The following PDE3A variants were observed in gnomAD, a reference collection of about 807,000 sequenced individuals.
PDE3A encodes cGMP-inhibited 3',5'-cyclic phosphodiesterase 3A.
A neutral mutation model predicts 98.3 loss-of-function variants in PDE3A; 43 were observed. That is an observed-to-expected ratio of 0.44 (90% confidence interval 0.34 to 0.56). The LOEUF is 0.56. Among genes scored for constraint, PDE3A ranks in the 20% least tolerant of loss-of-function variants. The pLI, the probability that PDE3A is intolerant of heterozygous loss-of-function variation, is 0.01. For synonymous variants in PDE3A, 663 were observed against 567.9 expected (o/e 1.17, Z -2.38); for missense variants, 1,427 against 1,440.7 (o/e 0.99, Z 0.15).
Position 20,646,908 on chromosome 12 carries a change from A to G in PDE3A, c.2523A>G (p.Pro841=). Residue 841 remains proline (P), a synonymous_variant, in exon 12 of 16, where the codon CCA becomes CCG. Coordinates refer to ENST00000359062, the MANE Select transcript of PDE3A (RefSeq NM_000921.5). The part of the protein sequence containing the change: ...VAAAMHDYDH[P]GRTNAFLVAT... ...CAGCCATGCACGATTATGATCATCCAGGAAGGACTAATGCTTTCCTGGTTG... is the reference window on the plus strand; with the variant it reads ...CAGCCATGCACGATTATGATCATCCGGGAAGGACTAATGCTTTCCTGGTTG... 6.2e-7 allele frequency: 1 copy of G among 1,614,088 alleles called. No individual in the cohort carries two copies. The highest frequency in any genetic ancestry group is 8.5e-7 in the Non-Finnish European group (1 of 1,179,952).
In PDE3A at chr12:20,635,041, G is replaced by A. The variant is rs1944468429; in HGVS notation, c.1986G>A (p.Glu662=). The change falls in exon 8 of 16, where the codon GAG becomes GAA. Residue 662 remains glutamate, a synonymous_variant. Transcript: ENST00000359062. ...KASACSTYAP[E]TMMFLDKPIL... ...CGGCTTGCAGCACCTATGCTCCTGA[G>A]ACCATGATGTTTCTGGTAGTCCCAT... The A allele has an allele frequency of 6.2e-7, 1 of 1,612,256 alleles. No homozygotes were observed.
chr12:20,666,501 A>G (rs1945316522), intron 15 of PDE3A, among the ~76,000 whole-genome samples: 1 of 151,674 alleles, frequency 6.6e-6, no homozygotes, highest in Non-Finnish European at 1.5e-5. Context: ...CAACTTTTCT[A>G]GCTCCCACAT....
intron 7 of PDE3A, 75 bp from the exon 8 acceptor site, chr12:20,634,827 T>A (rs570178772): frequency 2.9e-6 from 3 of 1,019,534 alleles, no homozygotes; most frequent in South Asian, 1.3e-5. Flanking sequence ...CATATGCATC[T>A]TAGCAAAATT....
At chr12:20,450,501 A>T (rs1449882918) in intron 1 of PDE3A, among the ~76,000 whole-genome samples, 1 of 152,262 alleles carries the variant, frequency 6.6e-6, no homozygotes, top group African/African-American at 2.4e-5. Context: ...TTTAAAATAG[A>T]AAACTCCTTC....
At chr12:20,399,578 C>A (rs1385194896) in intron 1 of PDE3A, among the ~76,000 whole-genome samples, 1 of 152,102 alleles carries the variant, frequency 6.6e-6, no homozygotes, top group Non-Finnish European at 1.5e-5. Flanking sequence ...AGGATTCAGA[C>A]TATTAAAAAG....
chr12:20,421,024 T>C (rs971652338), intron 1 of PDE3A, among the ~76,000 whole-genome samples: 4 of 152,058 alleles, frequency 2.6e-5, no homozygotes, highest in Non-Finnish European at 4.4e-5. Flanking sequence ...TCATTAGAGG[T>C]ATTTAAGAGC....
intron 1 of PDE3A, among the ~76,000 whole-genome samples, chr12:20,410,482 A>G (rs996883053): frequency 1.3e-5 from 2 of 152,134 alleles, no homozygotes; most frequent in African/African-American, 4.8e-5. Flanking sequence ...GACTTTCATG[A>G]TTCTTACTCT....
At chr12:20,676,579 A>G (rs1945647162) in intron 15 of PDE3A, among the ~76,000 whole-genome samples, 1 of 145,294 alleles carries the variant, frequency 6.9e-6, no homozygotes, top group Non-Finnish European at 1.5e-5. Flanking sequence ...AGCTCACTGC[A>G]AGCTCCGCCT....
chr12:20,501,456 A>AT (rs1488823672), intron 1 of PDE3A, among the ~76,000 whole-genome samples: 2 of 152,210 alleles, frequency 1.3e-5, no homozygotes, highest in African/African-American at 4.8e-5. Context: ...AACTGGTTAT[A>AT]TGCAATATTA....
At position 20,512,318 on chromosome 12, in the gene PDE3A, C is replaced by T. The variant is rs528943538; in HGVS notation, c.961-44342C>T. Among the ~76,000 whole-genome samples the T allele has an allele frequency of 8.5e-5, 13 of 152,072 alleles. No individual in the cohort carries two copies. In the East Asian group the frequency reaches 2.3e-3, roughly 27 times the overall value. On this transcript the variant is annotated intron_variant, in intron 1 of 15. Transcript: ENST00000359062. Reference sequence around the variant, plus strand: ...TCAAAAGTCTTCTGTAAAAAGCCATCCTAAAATAGGAATTTTGTTTAAAAA... The same window carrying T: ...TCAAAAGTCTTCTGTAAAAAGCCATTCTAAAATAGGAATTTTGTTTAAAAA...
rs1027404458 is a variant in PDE3A at position 20,525,469 on chromosome 12, G to GC, written c.961-31191_961-31190insC. 1.8e-4 allele frequency among the ~76,000 whole-genome samples: 21 copies of GC among 118,350 alleles called. 1 individual carries two copies. Among genetic ancestry groups the GC allele is most frequent in the African/African-American group, 7.2e-4 (20 of 27,690 alleles). The allele number at this position is 118,350 out of a possible 152,430, so 77.6% of individuals were successfully genotyped here. A position where few individuals can be genotyped will look rare whatever the true frequency, so the allele number is the denominator to read the frequency against. On this transcript the variant is annotated intron_variant, in intron 1 of 15. Transcript: ENST00000359062. The stretch of plus-strand genomic sequence containing the variant: ...ACATGGAAACATTCTGATTTGGTTG[G>GC]GGGGGGGGGCTTTTGACATCATCTG...
At chr12:20,490,125 T>C (rs897550967) in intron 1 of PDE3A, among the ~76,000 whole-genome samples, 1 of 152,144 alleles carries the variant, frequency 6.6e-6, no homozygotes, top group African/African-American at 2.4e-5. Flanking sequence ...GGTGAAAGAT[T>C]GAAAGAATTG....
At chr12:20,475,453 T>C (rs1945515005) in intron 1 of PDE3A, among the ~76,000 whole-genome samples, 1 of 152,074 alleles carries the variant, frequency 6.6e-6, no homozygotes, top group Non-Finnish European at 1.5e-5. Context: ...GGGGTGGGCA[T>C]GGTGGTGACT....
intron 1 of PDE3A, among the ~76,000 whole-genome samples, chr12:20,457,867 G>T (rs946645163): frequency 1.1e-4 from 17 of 152,090 alleles, no homozygotes; most frequent in African/African-American, 4.1e-4. Flanking sequence ...ATTTAGAAAG[G>T]TTATTTCCCT....
chr12:20,614,541 T>C (rs907720610), intron 3 of PDE3A, among the ~76,000 whole-genome samples: 3 of 152,176 alleles, frequency 2.0e-5, no homozygotes, highest in African/African-American at 7.2e-5. Flanking sequence ...ATAACATATT[T>C]ACATAGTTTC....
intron 14 of PDE3A, 30 bp downstream of exon 14, chr12:20,650,630 T>G: frequency 6.9e-7 from 1 of 1,459,752 alleles, no homozygotes; most frequent in Non-Finnish European, 9.5e-7. Context: ...TACAGCTTAA[T>G]CTGTACTTAC....
rs555770098 is a variant in PDE3A at position 20,552,751 on chromosome 12, G to A, written c.961-3909G>A. The A allele has an allele frequency of 1.9e-6, 3 of 1,614,046 alleles. No homozygotes were observed. The highest frequency in any genetic ancestry group is 1.6e-4 in the Middle Eastern group (1 of 6,062). ...GTCACTCAAGGACCGGCCGGCGAGC[G>A]GCAGCCCGTTCCAGTTGTTCCTGAG... On this transcript the variant is annotated intron_variant, in intron 1 of 15. Coordinates refer to ENST00000359062, the MANE Select transcript of PDE3A (RefSeq NM_000921.5). The surrounding 1 kb of genome is among the most constrained non-coding windows in gnomAD (Gnocchi z 5.1).
intron 1 of PDE3A, among the ~76,000 whole-genome samples, chr12:20,481,804 A>G (rs1179128280): frequency 3.3e-5 from 3 of 91,056 alleles, no homozygotes; most frequent in South Asian, 3.7e-4. Context: ...GTCTCTTGTC[A>G]CCCAGGCTGG....
chr12:20,539,237 A>G (rs924098704), intron 1 of PDE3A, among the ~76,000 whole-genome samples: 4 of 152,158 alleles, frequency 2.6e-5, no homozygotes, highest in African/African-American at 9.7e-5. Context: ...CTAAAACACA[A>G]AATTTATTTA....
Sources: gnomAD v4.1 joint callset for allele counts (sites outside exome capture counted in the v4.1 genomes callset) on GRCh38, gnomAD v4.1.1 for gene constraint, Gnocchi (gnomAD v3.1) non-coding constraint, MANE v1.5 for transcripts, NCBI Gene and HGNC (gene_info 2026-07-23, HGNC 2026-07-21) for gene names.